Variants in RIMS1 observed in about 807,000 individuals in gnomAD.
RIMS1 encodes the protein regulating synaptic membrane exocytosis protein 1.
A neutral mutation model predicts 214.1 loss-of-function variants in RIMS1; 83 were observed. That is an observed-to-expected ratio of 0.39 (90% confidence interval 0.32 to 0.47). The LOEUF (loss-of-function observed/expected upper bound fraction) is 0.47. RIMS1 is among the 20% of genes least tolerant of loss of function. The pLI is 0.99. For synonymous variants in RIMS1, 793 were observed against 786.8 expected (o/e 1.01, Z -0.13); for missense variants, 2,050 against 2,161.8 (o/e 0.95, Z 1.03).
chr6:72,264,062 G>T (rs2079313041), intron 19 of RIMS1: 2 of 829,296 alleles, frequency 2.4e-6, no homozygotes, highest in African/African-American at 1.8e-5. Context: ...GATTTCCTTT[G>T]ATTTGATCAT....
chr6:71,927,273 A>G (rs992443011), intron 1 of RIMS1, among the ~76,000 whole-genome samples: 2 of 152,202 alleles, frequency 1.3e-5, no homozygotes, highest in Non-Finnish European at 2.9e-5. Context: ...TAAACTTAAC[A>G]GAGTTACTCT....
intron 2 of RIMS1, among the ~76,000 whole-genome samples, chr6:72,090,282 C>T (rs1835870404): frequency 6.6e-6 from 1 of 152,140 alleles, no homozygotes; most frequent in South Asian, 2.1e-4. Context: ...GCTGAAATTA[C>T]AGGCATGTGC....
chr6:72,088,377 T>C (rs561659354), intron 2 of RIMS1, among the ~76,000 whole-genome samples: 3 of 152,068 alleles, frequency 2.0e-5, no homozygotes, highest in Non-Finnish European at 2.9e-5. Context: ...GCTTTCTGAG[T>C]AGCTAGGATT....
intron 4 of RIMS1, among the ~76,000 whole-genome samples, chr6:72,127,867 A>T (rs182939700): frequency 6.7e-4 from 102 of 152,364 alleles, no homozygotes; most frequent in Non-Finnish European, 1.6e-4. Flanking sequence ...TCTTACGCTT[A>T]CATACAACCA....
rs375656722 is a variant in RIMS1 at position 72,391,045 on chromosome 6, T to G, written c.4505+309T>G. On this transcript the variant is annotated intron_variant, in intron 30 of 33. Coordinates refer to ENST00000521978, the MANE Select transcript of RIMS1 (RefSeq NM_014989.7). ...TGTACAAATGCCACAGGTAATGGAC[T>G]CTTTCATATGGGAAACTCATAGTCT... is the stretch of plus-strand genomic sequence containing the variant. 1.1e-4 allele frequency among the ~76,000 whole-genome samples: 16 copies of G among 152,328 alleles called. No individual in the cohort carries two copies. In the East Asian group the frequency reaches 2.9e-3, roughly 28 times the overall value.
At chr6:71,954,695 C>CT (rs58525569) in intron 1 of RIMS1, among the ~76,000 whole-genome samples, 13,569 of 144,510 alleles carry the variant, frequency 0.094, 740 homozygotes, top group Non-Finnish European at 0.13. Flanking sequence ...AGTAATTTTT[C>CT]TTTTTTTTTT....
At chr6:72,111,478 T>C (rs2036069279) in intron 4 of RIMS1, among the ~76,000 whole-genome samples, 1 of 152,202 alleles carries the variant, frequency 6.6e-6, no homozygotes, top group Non-Finnish European at 1.5e-5. Context: ...GCAGTTTTCT[T>C]TTTAATGTGA....
intron 4 of RIMS1, among the ~76,000 whole-genome samples, chr6:72,112,352 C>T (rs2036273258): frequency 6.6e-6 from 1 of 151,996 alleles, no homozygotes. Flanking sequence ...CAAATCTGAG[C>T]AAGAATAATT....
At chr6:72,081,470 T>C (rs1833377009) in intron 2 of RIMS1, among the ~76,000 whole-genome samples, 1 of 152,196 alleles carries the variant, frequency 6.6e-6, no homozygotes, top group Non-Finnish European at 1.5e-5. Flanking sequence ...TTCGCATAGA[T>C]GGTGCAATAT....
intron 2 of RIMS1, among the ~76,000 whole-genome samples, chr6:72,080,285 A>G (rs1037460923): frequency 2.0e-5 from 3 of 151,846 alleles, no homozygotes. Flanking sequence ...AAAATACAAA[A>G]CAAAGTACAT....
chr6:71,894,276 C>G (rs953203779), intron 1 of RIMS1, among the ~76,000 whole-genome samples: 1 of 152,132 alleles, frequency 6.6e-6, no homozygotes, highest in African/African-American at 2.4e-5. Flanking sequence ...AAAACCCCGT[C>G]TCTACTAAAA....
chr6:72,004,205 T>G (rs1347152102), intron 2 of RIMS1, among the ~76,000 whole-genome samples: 1 of 152,006 alleles, frequency 6.6e-6, no homozygotes, highest in Non-Finnish European at 1.5e-5. Flanking sequence ...GAACTCATCA[T>G]TTTTTATGGC....
intron 4 of RIMS1, among the ~76,000 whole-genome samples, chr6:72,155,821 G>C (rs2044366844): frequency 7.1e-6 from 1 of 140,508 alleles, no homozygotes; most frequent in African/African-American, 2.5e-5. Context: ...CTCAAGATGA[G>C]ATGTGGGTGG....
chr6:72,343,934 A>G (rs778286026), intron 29 of RIMS1, among the ~76,000 whole-genome samples: 6 of 151,774 alleles, frequency 4.0e-5, no homozygotes, highest in Non-Finnish European at 8.8e-5. Flanking sequence ...TCCTTGTTCT[A>G]CTGTCAAGAA....
intron 2 of RIMS1, among the ~76,000 whole-genome samples, chr6:71,972,246 C>G (rs1482570): frequency 0.86 from 130,317 of 152,154 alleles, 55,989 homozygotes; most frequent in East Asian, 1. Context: ...CTTTGGTTTT[C>G]GTCATATAGA....
At chr6:72,231,624 C>T (rs530868947) in intron 6 of RIMS1, among the ~76,000 whole-genome samples, 34 of 151,682 alleles carry the variant, frequency 2.2e-4, no homozygotes, top group African/African-American at 7.7e-4. Flanking sequence ...AATATTTATC[C>T]AGTACCAAAG....
intron 29 of RIMS1, among the ~76,000 whole-genome samples, chr6:72,379,673 A>C (rs1476782186): frequency 6.6e-6 from 1 of 152,212 alleles, no homozygotes; most frequent in East Asian, 1.9e-4. Flanking sequence ...CACTTTCCTG[A>C]GTGCTTTACA....
At chr6:72,173,320 T>A (rs1024454217) in intron 4 of RIMS1, among the ~76,000 whole-genome samples, 1 of 152,110 alleles carries the variant, frequency 6.6e-6, no homozygotes, top group Admixed American at 6.5e-5. Flanking sequence ...CTTGGTGGTT[T>A]CTTTTTCCAT....
chr6:72,178,403 T>C (rs2047999561), intron 4 of RIMS1, among the ~76,000 whole-genome samples: 1 of 152,250 alleles, frequency 6.6e-6, no homozygotes, highest in South Asian at 2.1e-4. Context: ...TTTGACCTAC[T>C]AAACAATGCT....
Sources: gnomAD v4.1 joint callset for allele counts (sites outside exome capture counted in the v4.1 genomes callset) on GRCh38, gnomAD v4.1.1 for gene constraint, MANE v1.5 for transcripts, NCBI Gene and HGNC (gene_info 2026-07-23, HGNC 2026-07-21) for gene names.